The following CALB2 variants were observed in gnomAD, a reference collection of about 807,000 sequenced individuals.
The protein encoded by CALB2 is calbindin 2.
In CALB2, 34 loss-of-function variants were observed where a neutral mutation model predicts 45.9. That is an observed-to-expected ratio of 0.74 (90% CI 0.56 to 0.99). The LOEUF (loss-of-function observed/expected upper bound fraction) is 0.99, where lower values mean the gene tolerates loss of function less well. CALB2 is among the 50% of genes least tolerant of loss of function. The pLI, the probability that CALB2 is intolerant of heterozygous loss-of-function variation, is 0.00. For synonymous variants in CALB2, 142 were observed against 129.6 expected, an observed-to-expected ratio of 1.10 and a Z score of -0.65; for missense variants, 344 against 339.3, an observed-to-expected ratio of 1.01 and a Z score of -0.11.
chr16:71,376,946 G>A (rs1023797712), intron 3 of CALB2, among the ~76,000 whole-genome samples: 20 of 152,142 alleles, frequency 1.3e-4, no homozygotes, highest in African/African-American at 4.6e-4. Context: ...GCCCTTCCCC[G>A]ACATTGCATT....
In CALB2 at chr16:71,383,393, G is replaced by C. The variant is rs374243044; in HGVS notation, c.426G>C (p.Lys142Asn). The change falls in exon 6 of 11, where the codon AAG (lysine) becomes AAC (asparagine). Residue 142 changes from lysine (K) to asparagine (N), a missense_variant. Around this residue, in one of 3 missense-constraint regions of CALB2, gnomAD observed 263 missense variants for 241.7 expected, o/e 1.09. Transcript: ENST00000302628. ...LKGFLSDLLK[K>N]ANRPYDEPKL... is the part of the protein sequence containing the mutation. Reference sequence around the variant, plus strand: ...GATTCCTGTCAGACCTGCTGAAGAAGGCGAACCGGCCGTACGATGAGCCCA... The same window carrying C: ...GATTCCTGTCAGACCTGCTGAAGAACGCGAACCGGCCGTACGATGAGCCCA... 1.9e-6 allele frequency: 3 copies of C among 1,614,162 alleles called. No homozygotes were observed. Among genetic ancestry groups the C allele is most frequent in the Non-Finnish European group, 2.5e-6 (3 of 1,180,008 alleles).
Position 71,384,086 on chromosome 16 carries a change from C to T in CALB2, c.533+61C>T, listed in dbSNP as rs1598175081. On this transcript the variant is annotated intron_variant, in intron 7 of 10. Transcript: ENST00000302628. ...TCCCACAGGTCATTCCTGTGTTATC[C>T]GTCTCTGAGATCCATTGGTGGGAAA... 5 of 1,547,852 alleles carry T rather than the reference C, an allele frequency of 3.2e-6. No homozygotes were observed. In the South Asian group the frequency reaches 3.3e-5, roughly 10 times the overall value.
chr16:71,380,313 T>C (rs1314862068), intron 4 of CALB2, among the ~76,000 whole-genome samples: 1 of 93,720 alleles, frequency 1.1e-5, no homozygotes, highest in Non-Finnish European at 2.2e-5. Flanking sequence ...TTTTTTTTTT[T>C]TTTTTTTTTT....
chr16:71,382,029 GAGGAGGAGGAGGAGT>G (rs2042498724), intron 4 of CALB2, among the ~76,000 whole-genome samples: 6 of 127,888 alleles, frequency 4.7e-5, no homozygotes, highest in Admixed American at 3.1e-4. Flanking sequence ...GGAGGAGGAG[GAGGAGGAGGAGGAGT>G]AGGAGGAGGA....
intron 10 of CALB2, among the ~76,000 whole-genome samples, chr16:71,388,997 C>CAAA (rs146702342): frequency 1.6e-5 from 1 of 60,686 alleles, no homozygotes; most frequent in Non-Finnish European, 3.0e-5. Context: ...GACTCCATCT[C>CAAA]AAAAAAAAAA....
chr16:71,385,519 T>G, intron 9 of CALB2, 58 bp from the exon 10 acceptor site: 1 of 1,502,456 alleles, frequency 6.7e-7, no homozygotes, highest in Non-Finnish European at 9.3e-7. Context: ...CTGGAATGGG[T>G]CGGGACAGCA....
At chr16:71,372,856 G>A (rs995625196) in intron 2 of CALB2, among the ~76,000 whole-genome samples, 3 of 152,286 alleles carry the variant, frequency 2.0e-5, no homozygotes, top group African/African-American at 7.2e-5. Flanking sequence ...AGAGCAACAC[G>A]GGCTAGAATC....
intron 1 of CALB2, among the ~76,000 whole-genome samples, chr16:71,359,984 T>C (rs1366324006): frequency 6.6e-6 from 1 of 152,226 alleles, no homozygotes; most frequent in Admixed American, 6.5e-5. Context: ...AGAAGACAAG[T>C]TCTTAACCAC....
intron 10 of CALB2, chr16:71,389,539 C>T (rs2042611822): frequency 1.4e-6 from 1 of 720,910 alleles, no homozygotes; most frequent in Admixed American, 1.7e-5. Context: ...TGACTACCTT[C>T]CCCAAAGCAA....
intron 4 of CALB2, 23 bp downstream of exon 4, chr16:71,377,770 T>C: frequency 1.3e-6 from 2 of 1,582,632 alleles, no homozygotes; most frequent in Non-Finnish European, 1.7e-6. Context: ...CACCACCTTC[T>C]TTCTAAGCAC....
At position 71,389,967 on chromosome 16, in the gene CALB2, C is replaced by G; in HGVS notation, c.*102C>G. On this transcript the variant is annotated 3_prime_UTR_variant, in exon 11 of 11. Transcript: ENST00000302628. The stretch of plus-strand genomic sequence containing the variant: ...GACCGTGAGCGCCCCGCCCCCACCC[C>G]TACAGCCTGCACACACCTGCCTGCA... 1.3e-6 allele frequency: 1 copy of G among 743,850 alleles called. No individual in the cohort carries two copies. The highest frequency in any genetic ancestry group is 1.5e-5 in the South Asian group (1 of 65,614). The allele number at this position is 743,850 out of a possible 1,614,324, so 46.1% of individuals were successfully genotyped here. A position where few individuals can be genotyped will look rare whatever the true frequency, so the allele number is the denominator to read the frequency against.
chr16:71,384,455 ACCACACACAACACACTACACACAC>A (rs1192919752), intron 8 of CALB2, 77 bp downstream of exon 8: 2 of 1,169,882 alleles, frequency 1.7e-6, no homozygotes, highest in Non-Finnish European at 2.6e-6. Context: ...CCCCCAACGC[ACCACACACAACACACTACACACAC>A]CCACACACAC....
At chr16:71,383,704 G>A (rs1279027350) in intron 6 of CALB2, among the ~76,000 whole-genome samples, 1 of 152,180 alleles carries the variant, frequency 6.6e-6, no homozygotes, top group Non-Finnish European at 1.5e-5. Context: ...TGATCTTGGA[G>A]AGAGTGGGCC....
At position 71,389,948 on chromosome 16, in the gene CALB2, G is replaced by A. The variant is rs1275043049; in HGVS notation, c.*83G>A. On this transcript the variant is annotated 3_prime_UTR_variant, in exon 11 of 11. Transcript: ENST00000302628. Reference sequence around the variant, plus strand: ...GCGTCTACCCAGACTCAGAGACCGTGAGCGCCCCGCCCCCACCCCTACAGC... The same window carrying A: ...GCGTCTACCCAGACTCAGAGACCGTAAGCGCCCCGCCCCCACCCCTACAGC... 2.2e-5 allele frequency: 20 copies of A among 890,894 alleles called. No homozygotes were observed. Among genetic ancestry groups the A allele is most frequent in the Admixed American group, 1.8e-4 (10 of 56,294 alleles). 55.2% of individuals were successfully genotyped at this position (890,894 alleles called of 1,614,324 possible). A position where few individuals can be genotyped will look rare whatever the true frequency, so the allele number is the denominator to read the frequency against.
At chr16:71,361,535 C>A (rs1361341843) in intron 1 of CALB2, among the ~76,000 whole-genome samples, 1 of 152,190 alleles carries the variant, frequency 6.6e-6, no homozygotes, top group Non-Finnish European at 1.5e-5. Context: ...CCTGAGAGAA[C>A]TCTCCCTTGC....
chr16:71,372,497 A>G (rs985741807), intron 2 of CALB2, among the ~76,000 whole-genome samples: 1 of 152,156 alleles, frequency 6.6e-6, no homozygotes, highest in Non-Finnish European at 1.5e-5. Context: ...GCGTATGCGT[A>G]TATTAATATA....
chr16:71,364,100 C>T (rs1227931768), intron 1 of CALB2, among the ~76,000 whole-genome samples: 1 of 152,166 alleles, frequency 6.6e-6, no homozygotes, highest in African/African-American at 2.4e-5. Context: ...GGAGTGTCCA[C>T]GTGCAGCAGC....
chr16:71,389,513 T>C, intron 10 of CALB2: 1 of 688,582 alleles, frequency 1.5e-6, no homozygotes, highest in Non-Finnish European at 2.7e-6. Context: ...GTGAGGCAGC[T>C]GAGTCTCAGG....
At chr16:71,380,678 C>T (rs1206506876) in intron 4 of CALB2, among the ~76,000 whole-genome samples, 1 of 152,032 alleles carries the variant, frequency 6.6e-6, no homozygotes, top group Non-Finnish European at 1.5e-5. Flanking sequence ...GACATGCCCG[C>T]CACGGTTTCT....
Sources: allele counts gnomAD v4.1 joint callset (sites outside exome capture counted in the v4.1 genomes callset), GRCh38; gene constraint gnomAD v4.1.1; regional missense constraint gnomAD v4.1.1; transcripts MANE v1.5; gene names NCBI Gene and HGNC (gene_info 2026-07-23, HGNC 2026-07-21).